The following LARGE1 variants were observed in gnomAD, a reference collection of about 807,000 sequenced individuals.
The protein encoded by LARGE1 is LARGE xylosyl- and glucuronyltransferase 1.
In LARGE1, 43 loss-of-function variants were observed where a neutral mutation model predicts 87.6. That is an observed-to-expected ratio of 0.49 (90% confidence interval 0.38 to 0.63). The LOEUF (loss-of-function observed/expected upper bound fraction) is 0.63. Ranked by LOEUF, LARGE1 falls within the 30% of genes least tolerant of loss-of-function variation. The probability of loss-of-function intolerance (pLI) is 0.00; values close to 1 mark genes in which losing one functional copy is unlikely to be tolerated. For synonymous variants in LARGE1, 434 were observed against 394.6 expected (o/e 1.10, Z -1.18); for missense variants, 802 against 1,000.2 (o/e 0.80, Z 2.67).
intron 5 of LARGE1, among the ~76,000 whole-genome samples, chr22:33,593,386 T>A (rs955514025): frequency 2.0e-5 from 3 of 150,738 alleles, no homozygotes; most frequent in Non-Finnish European, 4.4e-5. Flanking sequence ...CTATCATTTT[T>A]TTTCTGTTGC....
intron 9 of LARGE1, among the ~76,000 whole-genome samples, chr22:33,373,646 TC>T (rs34426578): frequency 0.21 from 32,484 of 151,956 alleles, 4,670 homozygotes; most frequent in African/African-American, 0.4. Context: ...CTGTTTTTTT[TC>T]CCCCAGTTCT....
intron 2 of LARGE1, among the ~76,000 whole-genome samples, chr22:33,654,674 C>T (rs1230152799): frequency 6.6e-6 from 1 of 152,172 alleles, no homozygotes; most frequent in Non-Finnish European, 1.5e-5. Context: ...TTTACAGGCA[C>T]TGGTCCCTCC....
intron 6 of LARGE1, among the ~76,000 whole-genome samples, chr22:33,464,170 G>A (rs572115015): frequency 6.6e-6 from 1 of 152,098 alleles, no homozygotes; most frequent in Admixed American, 6.6e-5. Context: ...TGACAAATAA[G>A]CATGGAAAAG....
intron 12 of LARGE1, among the ~76,000 whole-genome samples, chr22:33,293,118 T>C (rs1365434308): frequency 6.6e-6 from 1 of 152,218 alleles, no homozygotes; most frequent in East Asian, 1.9e-4. Context: ...TGTGTTCCAA[T>C]CAAGAAGCAG....
At chr22:33,588,533 G>A in intron 5 of LARGE1, among the ~76,000 whole-genome samples, 1 of 152,094 alleles carries the variant, frequency 6.6e-6, no homozygotes. Context: ...GTGTGTGTGT[G>A]TGCGCACGCA....
At chr22:33,094,801 C>A in the LARGE1 span, among the ~76,000 whole-genome samples, 1 of 152,252 alleles carries the variant, frequency 6.6e-6, no homozygotes, top group Non-Finnish European at 1.5e-5. Context: ...TCACTGCAAC[C>A]TCCACCTCCT....
chr22:33,658,571 G>A (rs138347001), intron 2 of LARGE1, among the ~76,000 whole-genome samples: 1 of 152,252 alleles, frequency 6.6e-6, no homozygotes, highest in Non-Finnish European at 1.5e-5. Context: ...ACTCTGCTGA[G>A]GATAATGGCT....
At chr22:33,604,592 A>C in intron 4 of LARGE1, 34 bp from the exon 5 acceptor site, 1 of 1,613,786 alleles carries the variant, frequency 6.2e-7, no homozygotes, top group South Asian at 1.1e-5. Context: ...GGTCAGGTGG[A>C]GAGGTACGGC....
intron 1 of LARGE1, among the ~76,000 whole-genome samples, chr22:33,879,332 C>G (rs926527924): frequency 2.0e-5 from 3 of 152,138 alleles, no homozygotes; most frequent in African/African-American, 7.2e-5. Context: ...CAGGAGGGGT[C>G]ACAACATCCC....
intron 5 of LARGE1, among the ~76,000 whole-genome samples, chr22:33,581,911 C>T (rs563750280): frequency 6.6e-6 from 1 of 151,372 alleles, no homozygotes; most frequent in South Asian, 2.1e-4. Context: ...GTGATAGATA[C>T]ATCTTAAAGC....
the LARGE1 span, among the ~76,000 whole-genome samples, chr22:33,145,740 A>G: frequency 6.6e-6 from 1 of 152,220 alleles, no homozygotes; most frequent in Non-Finnish European, 1.5e-5. Context: ...TACTGCTCTC[A>G]GCCCAAGTAT....
chr22:33,332,139 G>T (rs1033710029), intron 10 of LARGE1, among the ~76,000 whole-genome samples: 1 of 152,144 alleles, frequency 6.6e-6, no homozygotes, highest in African/African-American at 2.4e-5. Context: ...TGGTTTGGCT[G>T]TGTCCCCACC....
chr22:33,633,840 G>A (rs776852312), intron 3 of LARGE1, among the ~76,000 whole-genome samples: 8 of 152,184 alleles, frequency 5.3e-5, no homozygotes, highest in African/African-American at 1.7e-4. Flanking sequence ...GCGGAGAAGC[G>A]AACAGCCGGG....
chr22:33,403,950 G>A (rs922383023), intron 7 of LARGE1, among the ~76,000 whole-genome samples: 1 of 152,142 alleles, frequency 6.6e-6, no homozygotes, highest in Admixed American at 6.6e-5. Flanking sequence ...AAATAGTTAT[G>A]ATGATATTAT....
At chr22:33,843,440 A>AAAATAAAT (rs59206767) in intron 1 of LARGE1, among the ~76,000 whole-genome samples, 11,154 of 146,540 alleles carry the variant, frequency 0.076, 479 homozygotes, top group Middle Eastern at 0.1. Context: ...CCCTCTCAAA[A>AAAATAAAT]AAATAAATAA....
intron 6 of LARGE1, among the ~76,000 whole-genome samples, chr22:33,527,011 C>T (rs1404825248): frequency 6.6e-6 from 1 of 152,222 alleles, no homozygotes; most frequent in Non-Finnish European, 1.5e-5. Flanking sequence ...AATCGCAGCA[C>T]TTTGAGAGGC....
At chr22:33,688,531 A>G (rs2082007137) in intron 2 of LARGE1, among the ~76,000 whole-genome samples, 1 of 152,046 alleles carries the variant, frequency 6.6e-6, no homozygotes, top group Non-Finnish European at 1.5e-5. Context: ...TTGTATTTTT[A>G]GTAGAGATGG....
intron 4 of LARGE1, among the ~76,000 whole-genome samples, chr22:33,623,447 G>A (rs1174109007): frequency 6.6e-6 from 1 of 152,112 alleles, no homozygotes; most frequent in Non-Finnish European, 1.5e-5. Context: ...CAACTGGACA[G>A]CGCTATGAGG....
At chr22:33,915,038 C>CAG (rs1385339734) in intron 1 of LARGE1, among the ~76,000 whole-genome samples, 22 of 114,832 alleles carry the variant, frequency 1.9e-4, no homozygotes, top group African/African-American at 4.3e-4. Flanking sequence ...CACACACACA[C>CAG]ACACAGAGAG....
Sources: allele counts gnomAD v4.1 joint callset (sites outside exome capture counted in the v4.1 genomes callset), GRCh38; gene constraint gnomAD v4.1.1; transcripts MANE v1.5; gene names NCBI Gene and HGNC (gene_info 2026-07-23, HGNC 2026-07-21).